Variants in TJP2 observed in about 807,000 individuals in gnomAD.
TJP2 encodes the protein tight junction protein 2, also known as Friedreich ataxia region gene X104 (tight junction protein ZO-2).
A neutral mutation model predicts 133.1 loss-of-function variants in TJP2; 91 were observed. The observed-to-expected ratio is 0.68, with a 90% CI of 0.58 to 0.81. The LOEUF is 0.81. Ranked by LOEUF, TJP2 falls within the 40% of genes least tolerant of loss-of-function variation. TJP2 has a pLI of 0.00. For missense variants in TJP2, 1,541 were observed against 1,565.6 expected (o/e 0.98, Z 0.26); for synonymous variants, 592 against 583.4 (o/e 1.01, Z -0.21).
intron 14 of TJP2, 40 bp downstream of exon 14, chr9:69,237,176 G>A: frequency 6.2e-7 from 1 of 1,610,292 alleles, no homozygotes; most frequent in Non-Finnish European, 8.5e-7. Flanking sequence ...AACTGACTGG[G>A]CTCTGAGCCT....
chr9:69,173,927 A>T, upstream of TJP2: 2 of 983,482 alleles, frequency 2.0e-6, no homozygotes, highest in Non-Finnish European at 2.4e-6. Flanking sequence ...GCTCCAGTGC[A>T]CGCCGCGGAG....
In TJP2 at chr9:69,174,383, G is replaced by T. The variant is rs1243137376; in HGVS notation, c.11G>T (p.Arg4Leu). 1.3e-6 allele frequency: 2 copies of T among 1,551,946 alleles called. No homozygotes were observed. The highest frequency in any genetic ancestry group is 1.7e-6 in the Non-Finnish European group (2 of 1,147,136). MPV[R>L]GDRGFPPRRE... ...GGACCTGTGTCCGAAATGCCGGTGC[G>T]AGGAGACCGCGGGTTTCCACCCCGG... Residue 4 changes from arginine to leucine, a missense_variant, in exon 1 of 23, where the codon CGA becomes CTA. Coordinates refer to ENST00000377245, the MANE Select transcript of TJP2 (RefSeq NM_004817.4).
chr9:69,233,580 C>G (rs1481761903), intron 11 of TJP2, among the ~76,000 whole-genome samples: 4 of 152,176 alleles, frequency 2.6e-5, no homozygotes, highest in Non-Finnish European at 5.9e-5. Flanking sequence ...CGAGACCAGC[C>G]TGGCCAACAT....
intron 1 of TJP2, among the ~76,000 whole-genome samples, chr9:69,189,093 TCTA>T (rs1210217564): frequency 6.6e-6 from 1 of 152,184 alleles, no homozygotes; most frequent in Non-Finnish European, 1.5e-5. Context: ...TCAGCTTTCT[TCTA>T]CTATCTAACT....
chr9:69,233,820 T>A (rs1388766819), intron 11 of TJP2, among the ~76,000 whole-genome samples: 1 of 152,168 alleles, frequency 6.6e-6, no homozygotes, highest in African/African-American at 2.4e-5. Context: ...AATGTCTTGT[T>A]CTTTGTGCTA....
At chr9:69,145,550 T>C (rs901223138) in intron 1 of TJP2, 5 of 405,774 alleles carry the variant, frequency 1.2e-5, no homozygotes, top group African/African-American at 1.0e-4. Flanking sequence ...TTATTTGTGG[T>C]CTGCCCCCCC....
In TJP2 at chr9:69,254,783, G is replaced by C. The variant is rs1283097831; in HGVS notation, c.*409G>C. 2.1e-6 allele frequency: 1 copy of C among 475,618 alleles called. No homozygotes were observed. The highest frequency in any genetic ancestry group is 3.1e-5 in the East Asian group (1 of 32,706). 29.5% of individuals were successfully genotyped at this position (475,618 alleles called of 1,614,324 possible). A position where few individuals can be genotyped will look rare whatever the true frequency, so the allele number is the denominator to read the frequency against. On this transcript the variant is annotated 3_prime_UTR_variant, in exon 23 of 23. Coordinates refer to ENST00000377245, the MANE Select transcript of TJP2 (RefSeq NM_004817.4). ...GAAAAAGGAATAAAAAATACTGTTG[G>C]GCTCAAACTAAATTCAAAGAAGTAC...
At chr9:69,252,925 G>A (rs752168904) in intron 22 of TJP2, 25 bp downstream of exon 22, 1 of 1,609,432 alleles carries the variant, frequency 6.2e-7, no homozygotes, top group Non-Finnish European at 8.5e-7. Context: ...GTGGGTACAG[G>A]TCTAAGGCGG....
chr9:69,196,256 G>A (rs548841367), intron 1 of TJP2, among the ~76,000 whole-genome samples: 32 of 152,322 alleles, frequency 2.1e-4, no homozygotes, highest in African/African-American at 7.0e-4. Context: ...ACCAGCCTGA[G>A]TTAGAATCTG....
Position 69,246,780 on chromosome 9 carries a change from C to G in TJP2, c.2657C>G (p.Ser886Cys). 1 of 1,614,052 alleles carries G rather than the reference C, an allele frequency of 6.2e-7. No homozygotes were observed. The highest frequency in any genetic ancestry group is 8.5e-7 in the Non-Finnish European group (1 of 1,179,980). Residue 886 changes from serine to cysteine, a missense_variant, in exon 18 of 23, where the codon TCT becomes TGT. Transcript: ENST00000377245. ...QHQQGEAVWV[S>C]EGKMEGMDDD... ...CAGCAAGGAGAAGCGGTTTGGGTCTCTGAAGGAAAGGTATGTGGCATAGAT... is the reference window on the plus strand; with the variant it reads ...CAGCAAGGAGAAGCGGTTTGGGTCTGTGAAGGAAAGGTATGTGGCATAGAT...
At chr9:69,160,500 T>C (rs1438519777) in intron 2 of TJP2, among the ~76,000 whole-genome samples, 1 of 152,216 alleles carries the variant, frequency 6.6e-6, no homozygotes, top group Admixed American at 6.5e-5. Context: ...TGGAAAAGTT[T>C]AGCTGGATGT....
Position 69,151,551 on chromosome 9 carries a change from C to T in TJP2, c.-130-100C>T, listed in dbSNP as rs75945835. 6.7e-3 allele frequency: 7,992 copies of T among 1,189,844 alleles called. 376 individuals are homozygous for T. In the African/African-American group the frequency reaches 0.11, roughly 16 times the overall value. The allele number at this position is 1,189,844 out of a possible 1,614,324, so 73.7% of individuals were successfully genotyped here. A position where few individuals can be genotyped will look rare whatever the true frequency, so the allele number is the denominator to read the frequency against. ...AAGGTACTAAAAGCCATCCTAAAAACGGGCAAATTGTATGGTATGTGGACT... is the reference window on the plus strand; with the variant it reads ...AAGGTACTAAAAGCCATCCTAAAAATGGGCAAATTGTATGGTATGTGGACT... On this transcript the variant is annotated intron_variant, in intron 1 of 5. Coordinates refer to the TJP2 transcript ENST00000423935.
Position 69,232,313 on chromosome 9 carries a change from C to T in TJP2, c.1671+2081C>T, listed in dbSNP as rs62570180. ...GGGTGAAAAAGATTGAGTTTGCCTACGAGGGCGGAGAAGCTGCTGCACAAT... is the reference window on the plus strand; with the variant it reads ...GGGTGAAAAAGATTGAGTTTGCCTATGAGGGCGGAGAAGCTGCTGCACAAT... On this transcript the variant is annotated intron_variant, in intron 11 of 22. Transcript: ENST00000377245. Among the ~76,000 whole-genome samples the T allele has an allele frequency of 1.1e-3, 175 of 152,254 alleles. 1 individual carries two copies. Among genetic ancestry groups the T allele is most frequent in the Non-Finnish European group, 2.1e-3 (140 of 68,018 alleles).
chr9:69,226,288 C>G, intron 7 of TJP2, 113 bp downstream of exon 7: 1 of 1,211,634 alleles, frequency 8.3e-7, no homozygotes, highest in Non-Finnish European at 1.2e-6. Context: ...AGGAAAGACC[C>G]CTTGAAACCT....
At chr9:69,164,865 TGTTGCTCA>T (rs777388499) in intron 2 of TJP2, among the ~76,000 whole-genome samples, 25 of 152,278 alleles carry the variant, frequency 1.6e-4, no homozygotes, top group Middle Eastern at 6.8e-3. Context: ...AGTCTTGCTC[TGTTGCTCA>T]GGCTGGAGTG....
chr9:69,227,845 T>C lies in TJP2; in HGVS notation c.1291T>C (p.Ser431Pro), dbSNP rs776912099. 6 of 1,614,024 alleles carry C rather than the reference T, an allele frequency of 3.7e-6. No individual in the cohort carries two copies. Among genetic ancestry groups the C allele is most frequent in the South Asian group, 3.3e-5 (3 of 91,078 alleles). The change falls in exon 8 of 23, where the codon TCA (serine) becomes CCA (proline). Residue 431 changes from serine (S) to proline (P), a missense_variant. By Grantham distance (74) the Ser-to-Pro change is moderately conservative (BLOSUM62 -1). Transcript: ENST00000377245. ...GTATTCTGATTATGATTATCATTCC[T>C]CAAGTGAGAAGCTGAAGGAAAGGCC... is the stretch of plus-strand genomic sequence containing the variant. ...HQYSDYDYHSSSEKLKERPSS... is the reference protein window; with the variant it reads ...HQYSDYDYHSPSEKLKERPSS...
chr9:69,234,686 T>G (rs1355726120), intron 12 of TJP2, 139 bp downstream of exon 12: 585 of 552,310 alleles, frequency 1.1e-3, no homozygotes, highest in Non-Finnish European at 1.2e-3. Flanking sequence ...CCTTGGGCCC[T>G]AGGTGTGTGA....
chr9:69,158,313 G>A (rs1404287634), intron 2 of TJP2, among the ~76,000 whole-genome samples: 1 of 92,366 alleles, frequency 1.1e-5, no homozygotes, highest in Admixed American at 1.8e-4. Context: ...GAGGGACAGA[G>A]CAAGACTTTG....
chr9:69,139,273 T>C (rs913871294), intron 1 of TJP2, among the ~76,000 whole-genome samples: 8 of 152,320 alleles, frequency 5.3e-5, no homozygotes, highest in Non-Finnish European at 1.2e-4. Flanking sequence ...ATGGGTTGAA[T>C]TATATTTCCC....
Sources: allele counts gnomAD v4.1 joint callset (sites outside exome capture counted in the v4.1 genomes callset), GRCh38; gene constraint gnomAD v4.1.1; transcripts MANE v1.5; gene names NCBI Gene and HGNC (gene_info 2026-07-23, HGNC 2026-07-21).